GRK5: variants seen among roughly 807,000 people sequenced by gnomAD.
GRK5 encodes G protein-coupled receptor kinase 5, also known as g protein-coupled receptor kinase GRK5.
GRK5 carries 40 observed loss-of-function variants against 78.4 expected under a neutral mutation model. The observed-to-expected ratio is 0.51, with a 90% CI of 0.40 to 0.66. The LOEUF is 0.66. Ranked by LOEUF, GRK5 falls within the 30% of genes least tolerant of loss-of-function variation. GRK5 has a pLI of 0.00. For synonymous variants in GRK5, 289 were observed against 296.8 expected (o/e 0.97, Z 0.27); for missense variants, 598 against 759.9 (o/e 0.79, Z 2.50).
Position 119,431,873 on chromosome 10 carries a change from T to C in GRK5, c.738+346T>C, listed in dbSNP as rs1489185215. Among the ~76,000 whole-genome samples, 1 of 152,222 alleles carries C rather than the reference T, an allele frequency of 6.6e-6. No individual in the cohort carries two copies. Among genetic ancestry groups the C allele is most frequent in the Non-Finnish European group, 1.5e-5 (1 of 68,038 alleles). Reference sequence around the variant, plus strand: ...TGGGAGCTGTGGGTTCCACAGACCCTCTAGGCTGGTGCCATCGTGGTGGGG... The same window carrying C: ...TGGGAGCTGTGGGTTCCACAGACCCCCTAGGCTGGTGCCATCGTGGTGGGG... On this transcript the variant is annotated intron_variant, in intron 8 of 15. Coordinates refer to ENST00000392870, the MANE Select transcript of GRK5 (RefSeq NM_005308.3). This position sits in a 1 kb window ranked among gnomAD's most constrained non-coding sequence, Gnocchi z 4.8.
At chr10:119,305,026 G>A (rs1589733076) in intron 1 of GRK5, among the ~76,000 whole-genome samples, 1 of 125,438 alleles carries the variant, frequency 8.0e-6, no homozygotes, top group Non-Finnish European at 1.6e-5. Flanking sequence ...ATCTCTCCCT[G>A]CAGTTTTTCT....
Position 119,260,717 on chromosome 10 carries a change from T to TG in GRK5, c.52+52753dup, listed in dbSNP as rs566870940. Among the ~76,000 whole-genome samples the TG allele has an allele frequency of 2.1e-3, 313 of 151,146 alleles. 1 individual carries two copies. Among genetic ancestry groups the TG allele is most frequent in the African/African-American group, 6.6e-3 (273 of 41,372 alleles). On this transcript the variant is annotated intron_variant, in intron 1 of 15. Transcript: ENST00000392870. ...GCACATGTTTCAGAGAGCACAGGGTTGGGGGTAAGGTCACAGATCAACAGG... is the reference window on the plus strand; with the variant it reads ...GCACATGTTTCAGAGAGCACAGGGTTGGGGGGTAAGGTCACAGATCAACAGG...
chr10:119,214,981 A>C (rs1182664903), intron 1 of GRK5, among the ~76,000 whole-genome samples: 1 of 152,234 alleles, frequency 6.6e-6, no homozygotes, highest in Non-Finnish European at 1.5e-5. Flanking sequence ...CTGGGCGGGT[A>C]GACGGGCTGC....
At chr10:119,446,326 T>C (rs1388337191) in intron 12 of GRK5, among the ~76,000 whole-genome samples, 1 of 152,218 alleles carries the variant, frequency 6.6e-6, no homozygotes, top group African/African-American at 2.4e-5. Flanking sequence ...AAATGGTAGG[T>C]TCATTGCCAA....
intron 3 of GRK5, among the ~76,000 whole-genome samples, chr10:119,391,563 T>C (rs1339863782): frequency 1.3e-5 from 2 of 151,998 alleles, no homozygotes. Context: ...GGGAAGGGAC[T>C]GACGCGGGAT....
rs145252903 is a variant in GRK5, at chr10:119,232,412, A to G, written c.52+24443A>G. ...AGGAGGAAGAAACTCCTAGTGTTCT[A>G]TATCTGTAGAATGACTGTAGTTAAC... On this transcript the variant is annotated intron_variant, in intron 1 of 15. Transcript: ENST00000392870. 1.5e-3 allele frequency among the ~76,000 whole-genome samples: 223 copies of G among 152,346 alleles called. 1 individual carries two copies. The highest frequency in any genetic ancestry group is 2.5e-3 in the Non-Finnish European group (173 of 68,030).
Position 119,412,170 on chromosome 10 carries a change from G to A in GRK5, c.340-10996G>A, listed in dbSNP as rs1480555202. On this transcript the variant is annotated intron_variant, in intron 4 of 15. Coordinates refer to ENST00000392870, the MANE Select transcript of GRK5 (RefSeq NM_005308.3). This position sits in a 1 kb window ranked among gnomAD's most constrained non-coding sequence, Gnocchi z 4.3. ...CCGGCCTCAGATCCGCTTCTGATTG[G>A]AGGCTGTGCCCACCTTCATGGGAAA... 1.3e-5 allele frequency among the ~76,000 whole-genome samples: 2 copies of A among 152,026 alleles called. No homozygotes were observed. The highest frequency in any genetic ancestry group is 2.9e-5 in the Non-Finnish European group (2 of 67,988).
intron 1 of GRK5, among the ~76,000 whole-genome samples, chr10:119,291,932 T>TTTCCTCTTTTTCCTCCTTCTC (rs1849973003): frequency 2.2e-5 from 2 of 89,406 alleles, no homozygotes; most frequent in Non-Finnish European, 4.4e-5. Flanking sequence ...TCCTCCTTCT[T>TTTCCTCTTTTTCCTCCTTCTC]TTCCTCCTCT....
rs1853125283 is a variant in GRK5, at chr10:119,445,448, C to T, written c.1266+1696C>T. The stretch of plus-strand genomic sequence containing the variant: ...GTCCCACCCCCAGACCCCAGACACC[C>T]ACCTTGGCCCCTGGCTTTGGAGCTG... On this transcript the variant is annotated intron_variant, in intron 12 of 15. Coordinates refer to ENST00000392870, the MANE Select transcript of GRK5 (RefSeq NM_005308.3). The surrounding 1 kb of genome is among the most constrained non-coding windows in gnomAD (Gnocchi z 4.1). 6.6e-6 allele frequency among the ~76,000 whole-genome samples: 1 copy of T among 152,028 alleles called. No homozygotes were observed. The highest frequency in any genetic ancestry group is 2.1e-4 in the South Asian group (1 of 4,806).
chr10:119,330,570 C>G (rs1037899338), intron 2 of GRK5, among the ~76,000 whole-genome samples: 1 of 152,168 alleles, frequency 6.6e-6, no homozygotes, highest in Non-Finnish European at 1.5e-5. Flanking sequence ...AGTCCATAGT[C>G]TAGGACTAGG....
chr10:119,435,258 C>T (rs551418847), intron 8 of GRK5, among the ~76,000 whole-genome samples: 5 of 152,354 alleles, frequency 3.3e-5, no homozygotes, highest in African/African-American at 1.2e-4. Flanking sequence ...CTCCTTGTTA[C>T]TTATGCAAAT....
At chr10:119,286,884 T>C (rs1212538767) in intron 1 of GRK5, among the ~76,000 whole-genome samples, 1 of 152,202 alleles carries the variant, frequency 6.6e-6, no homozygotes, top group Non-Finnish European at 1.5e-5. Context: ...AAACTCTTTT[T>C]CTTGTCCGTA....
intron 12 of GRK5, among the ~76,000 whole-genome samples, chr10:119,443,964 G>A (rs1198877338): frequency 6.6e-6 from 1 of 152,112 alleles, no homozygotes; most frequent in African/African-American, 2.4e-5. Flanking sequence ...CCTGGGTGGG[G>A]CAGGGACACC....
intron 2 of GRK5, among the ~76,000 whole-genome samples, chr10:119,361,239 G>C (rs574559630): frequency 1.3e-5 from 2 of 152,326 alleles, no homozygotes; most frequent in South Asian, 4.1e-4. Context: ...CTCATGGCAG[G>C]TGCTAAACAC....
chr10:119,302,020 G>T (rs1031933387), intron 1 of GRK5, among the ~76,000 whole-genome samples: 2 of 152,206 alleles, frequency 1.3e-5, no homozygotes, highest in African/African-American at 4.8e-5. Context: ...AAAATACCAA[G>T]CAATGAAGGA....
intron 3 of GRK5, among the ~76,000 whole-genome samples, chr10:119,383,722 G>A (rs1564912746): frequency 6.6e-6 from 1 of 152,198 alleles, no homozygotes; most frequent in Non-Finnish European, 1.5e-5. Context: ...TCTCCAGGTT[G>A]GCTTCTGAGT....
intron 1 of GRK5, among the ~76,000 whole-genome samples, chr10:119,322,103 A>G (rs1028047410): frequency 1.3e-5 from 2 of 152,092 alleles, no homozygotes; most frequent in Non-Finnish European, 1.5e-5. Flanking sequence ...GTGCGCCACC[A>G]CGCCCAGCTA....
At chr10:119,248,008 C>G (rs972163572) in intron 1 of GRK5, among the ~76,000 whole-genome samples, 1 of 152,102 alleles carries the variant, frequency 6.6e-6, no homozygotes, top group South Asian at 2.1e-4. Flanking sequence ...CACACAAATA[C>G]GTAATTAGCT....
intron 2 of GRK5, among the ~76,000 whole-genome samples, chr10:119,359,210 A>G (rs1851318900): frequency 6.6e-6 from 1 of 152,116 alleles, no homozygotes; most frequent in East Asian, 1.9e-4. Context: ...GGGCTGGGGC[A>G]ATCCAGGAAG....
Sources: allele counts gnomAD v4.1 joint callset (sites outside exome capture counted in the v4.1 genomes callset), GRCh38; gene constraint gnomAD v4.1.1; non-coding constraint Gnocchi (gnomAD v3.1); transcripts MANE v1.5; gene names NCBI Gene and HGNC (gene_info 2026-07-23, HGNC 2026-07-21).